Variants in ZNF148 observed in about 807,000 individuals in gnomAD.
ZNF148 encodes Beta-Enolase Repressor Factor-1.
ZNF148 carries 7 observed loss-of-function variants against 67.7 expected under a neutral mutation model. That is an observed-to-expected ratio of 0.10 (90% confidence interval 0.06 to 0.19). The LOEUF is 0.19. Among genes scored for constraint, ZNF148 ranks in the 10% least tolerant of loss-of-function variants. ZNF148 has a pLI of 1.00. For missense variants in ZNF148, 583 were observed against 947.1 expected, an observed-to-expected ratio of 0.62 and a Z score of 5.05; for synonymous variants, 333 against 330.7, an observed-to-expected ratio of 1.01 and a Z score of -0.08.
At chr3:125,249,907 T>C (rs558405466) in intron 7 of ZNF148, among the ~76,000 whole-genome samples, 26 of 152,202 alleles carry the variant, frequency 1.7e-4, no homozygotes, top group Admixed American at 3.9e-4. Context: ...ATTATATTAG[T>C]TGAAATAAGC....
rs200643048 is a variant in ZNF148, at chr3:125,330,465, C to CAAAAAAA, written c.-153+686_-153+692dup. Among the ~76,000 whole-genome samples, 311 of 118,372 alleles carry CAAAAAAA rather than the reference C, an allele frequency of 2.6e-3. 3 individuals carry two copies. Among genetic ancestry groups the CAAAAAAA allele is most frequent in the African/African-American group, 0.012 (292 of 24,190 alleles). 77.7% of individuals were successfully genotyped at this position (118,372 alleles called of 152,430 possible). A position where few individuals can be genotyped will look rare whatever the true frequency, so the allele number is the denominator to read the frequency against. On this transcript the variant is annotated intron_variant, in intron 2 of 8. Transcript: ENST00000360647. The stretch of plus-strand genomic sequence containing the variant: ...TGGGCAACAGGGCAAAACCCTATCT[C>CAAAAAAA]AAAAAAAAAAAAAAAAAAAAAAAAA...
At chr3:125,346,393 G>A (rs568418408) in intron 1 of ZNF148, among the ~76,000 whole-genome samples, 1 of 152,162 alleles carries the variant, frequency 6.6e-6, no homozygotes, top group African/African-American at 2.4e-5. Context: ...TTCCCCCTAA[G>A]ATCAGAAAGA....
intron 7 of ZNF148, among the ~76,000 whole-genome samples, chr3:125,235,221 A>T (rs1314127968): frequency 6.6e-6 from 1 of 152,222 alleles, no homozygotes; most frequent in African/African-American, 2.4e-5. Flanking sequence ...CCCTTGTTGT[A>T]GGAGGTTAAA....
Position 125,357,173 on chromosome 3 carries a change from G to C in ZNF148, c.-234+17929C>G, listed in dbSNP as rs867653159. Reference sequence around the variant, plus strand: ...GAGGGAAGGGGTCCTGACTGCGCCAGCGGGGCAGGCCCAGAAGGCGCGGTA... The same window carrying C: ...GAGGGAAGGGGTCCTGACTGCGCCACCGGGGCAGGCCCAGAAGGCGCGGTA... On this transcript the variant is annotated intron_variant, in intron 1 of 8. Coordinates refer to ENST00000360647, the MANE Select transcript of ZNF148 (RefSeq NM_021964.3). 2.6e-5 allele frequency: 4 copies of C among 152,246 alleles called. 1 individual carries two copies. The highest frequency in any genetic ancestry group is 4.4e-5 in the Non-Finnish European group (3 of 68,042). The allele number at this position is 152,246 out of a possible 1,614,324, so 9.4% of individuals were successfully genotyped here. A position where few individuals can be genotyped will look rare whatever the true frequency, so the allele number is the denominator to read the frequency against.
chr3:125,311,127 AGCTC>A (rs1291047716), intron 4 of ZNF148: 2 of 192,000 alleles, frequency 1.0e-5, no homozygotes, highest in Non-Finnish European at 2.3e-5. Flanking sequence ...ACAGAAGAGT[AGCTC>A]CATGGTTTGG....
chr3:125,322,626 T>C (rs1940835153), intron 3 of ZNF148, among the ~76,000 whole-genome samples: 2 of 152,136 alleles, frequency 1.3e-5, no homozygotes, highest in African/African-American at 2.4e-5. Context: ...AGAAACTGCA[T>C]AGAAGAAGAG....
intron 7 of ZNF148, among the ~76,000 whole-genome samples, chr3:125,254,451 C>CTAT (rs1936982401): frequency 6.6e-6 from 1 of 152,176 alleles, no homozygotes; most frequent in Non-Finnish European, 1.5e-5. Context: ...GTCTCTTGTA[C>CTAT]TACTGATTAT....
intron 7 of ZNF148, among the ~76,000 whole-genome samples, chr3:125,256,737 T>C (rs758663041): frequency 3.3e-5 from 5 of 152,160 alleles, no homozygotes; most frequent in Admixed American, 6.5e-5. Context: ...ATCCATTCTA[T>C]GCAGTAAATT....
intron 1 of ZNF148, among the ~76,000 whole-genome samples, chr3:125,334,547 CA>C (rs1200463819): frequency 6.6e-6 from 1 of 152,122 alleles, no homozygotes; most frequent in African/African-American, 2.4e-5. Flanking sequence ...AATATGTAAG[CA>C]ATGAATATAT....
chr3:125,257,121 T>C (rs1937122219), intron 7 of ZNF148, among the ~76,000 whole-genome samples: 1 of 152,112 alleles, frequency 6.6e-6, no homozygotes, highest in Non-Finnish European at 1.5e-5. Flanking sequence ...GAATCACCCA[T>C]GAGTTTGTTT....
chr3:125,306,958 T>C (rs1284800910), intron 4 of ZNF148, among the ~76,000 whole-genome samples: 1 of 151,604 alleles, frequency 6.6e-6, no homozygotes, highest in Admixed American at 6.6e-5. Context: ...GATAAAAATA[T>C]CAATCTTACA....
In ZNF148 at chr3:125,230,092, C is replaced by G. The variant is rs922850010; in HGVS notation, c.*2249G>C. 80 of 152,582 alleles carry G rather than the reference C, an allele frequency of 5.2e-4. 1 individual carries two copies. The highest frequency in any genetic ancestry group is 1.9e-3 in the African/African-American group (79 of 41,546). The allele number at this position is 152,582 out of a possible 1,614,324, so 9.5% of individuals were successfully genotyped here. A position where few individuals can be genotyped will look rare whatever the true frequency, so the allele number is the denominator to read the frequency against. ...TTTCAAAGGCCTTCCTTCCCAAGCT[C>G]ACCCTAAATGCTCAGCAAGAGTCAC... is the stretch of plus-strand genomic sequence containing the variant. On this transcript the variant is annotated 3_prime_UTR_variant, in exon 9 of 9. Coordinates refer to ENST00000360647, the MANE Select transcript of ZNF148 (RefSeq NM_021964.3).
At chr3:125,333,732 T>G (rs1364324527) in intron 1 of ZNF148, among the ~76,000 whole-genome samples, 1 of 152,218 alleles carries the variant, frequency 6.6e-6, no homozygotes, top group Non-Finnish European at 1.5e-5. Flanking sequence ...TCTTTGATTA[T>G]AAACACTTGG....
rs76072051 is a variant in ZNF148 at position 125,266,317 on chromosome 3, T to C, written c.667+11409A>G. On this transcript the variant is annotated intron_variant, in intron 7 of 8. Transcript: ENST00000360647. ...AACATATTCTAAGATCAACCTCTTG[T>C]TGGGCCATAAATCAAGTCTCAATAA... Among the ~76,000 whole-genome samples, 301 of 152,236 alleles carry C rather than the reference T, an allele frequency of 2.0e-3. 9 individuals are homozygous for C. The East Asian group carries it at 0.044, about 22-fold the overall frequency.
chr3:125,252,854 T>C (rs1936905412), intron 7 of ZNF148, among the ~76,000 whole-genome samples: 1 of 152,000 alleles, frequency 6.6e-6, no homozygotes, highest in African/African-American at 2.4e-5. Flanking sequence ...ATCAAGTGAA[T>C]GTAATATATG....
intron 1 of ZNF148, among the ~76,000 whole-genome samples, chr3:125,335,797 C>T (rs1941466088): frequency 6.6e-6 from 1 of 152,156 alleles, no homozygotes; most frequent in Non-Finnish European, 1.5e-5. Flanking sequence ...TCTACTGATA[C>T]AGTATTTTCA....
At chr3:125,289,859 GC>G (rs1278829436) in intron 4 of ZNF148, among the ~76,000 whole-genome samples, 1 of 152,108 alleles carries the variant, frequency 6.6e-6, no homozygotes, top group Non-Finnish European at 1.5e-5. Context: ...CCAACCAAGA[GC>G]CTTTAAATGC....
At chr3:125,271,174 T>G (rs1937712097) in intron 7 of ZNF148, among the ~76,000 whole-genome samples, 1 of 152,230 alleles carries the variant, frequency 6.6e-6, no homozygotes, top group Non-Finnish European at 1.5e-5. Context: ...TATCTTATAA[T>G]GCTTTACACG....
intron 4 of ZNF148, among the ~76,000 whole-genome samples, chr3:125,296,587 G>A (rs1056189638): frequency 5.3e-5 from 8 of 152,016 alleles, no homozygotes; most frequent in Non-Finnish European, 1.2e-4. Flanking sequence ...CTACTAGAGG[G>A]TCATCTTTTG....
Sources: allele counts gnomAD v4.1 joint callset (sites outside exome capture counted in the v4.1 genomes callset), GRCh38; gene constraint gnomAD v4.1.1; transcripts MANE v1.5; gene names NCBI Gene and HGNC (gene_info 2026-07-23, HGNC 2026-07-21).